NAMPT: variants seen among roughly 807,000 people sequenced by gnomAD.
The protein encoded by NAMPT is nicotinamide phosphoribosyltransferase, also known as NAmPRTase.
In NAMPT, 7 loss-of-function variants were observed where a neutral mutation model predicts 58.7. The ratio of observed to expected loss-of-function variants is 0.12; its 90% CI spans 0.07 to 0.22. The LOEUF (loss-of-function observed/expected upper bound fraction) is 0.22. NAMPT is among the 10% of genes least tolerant of loss of function. The pLI is 1.00. For synonymous variants in NAMPT, 145 were observed against 198.1 expected (o/e 0.73, Z 2.25); for missense variants, 271 against 567.9 (o/e 0.48, Z 5.31).
chr7:106,266,774 A>G (rs1792420742), intron 6 of NAMPT, among the ~76,000 whole-genome samples: 1 of 152,198 alleles, frequency 6.6e-6, no homozygotes, highest in South Asian at 2.1e-4. Flanking sequence ...ATCCTGCTAT[A>G]AAAATATAAA....
intron 4 of NAMPT, among the ~76,000 whole-genome samples, chr7:106,271,028 C>T (rs1349127763): frequency 2.6e-5 from 4 of 152,126 alleles, no homozygotes; most frequent in African/African-American, 9.7e-5. Context: ...ATTATCCTAC[C>T]TCTCTTCTTT....
intron 2 of NAMPT, chr7:106,275,385 T>A (rs1792614879): frequency 1.2e-5 from 2 of 161,068 alleles, no homozygotes; most frequent in South Asian, 1.7e-4. Context: ...GCTTCTTACA[T>A]CCAAATGAAA....
At chr7:106,264,505 CCCAGTTCTGAAATCTGAAAT>C (rs945944910) in intron 6 of NAMPT, among the ~76,000 whole-genome samples, 6 of 151,890 alleles carry the variant, frequency 4.0e-5, no homozygotes, top group Admixed American at 3.3e-4. Flanking sequence ...GTTAAGCATC[CCCAGTTCTGAAATCTGAAAT>C]CCAGTTCTGA....
chr7:106,264,903 A>G (rs985683776), intron 6 of NAMPT, among the ~76,000 whole-genome samples: 1 of 151,874 alleles, frequency 6.6e-6, no homozygotes, highest in Non-Finnish European at 1.5e-5. Context: ...TTAAAGGACT[A>G]GACTTAGAAC....
chr7:106,280,270 G>A (rs1194949257), intron 1 of NAMPT, among the ~76,000 whole-genome samples: 1 of 152,036 alleles, frequency 6.6e-6, no homozygotes, highest in Non-Finnish European at 1.5e-5. Context: ...TGATAATGAG[G>A]GAGAAGAATT....
intron 2 of NAMPT, 50 bp downstream of exon 2, chr7:106,276,973 G>C (rs772460393): frequency 7.2e-7 from 1 of 1,386,790 alleles, no homozygotes; most frequent in East Asian, 2.3e-5. Context: ...AACTCCTAAA[G>C]GAGTTAAGAG....
At chr7:106,270,226 C>A in intron 4 of NAMPT, 1 of 348,204 alleles carries the variant, frequency 2.9e-6, no homozygotes, top group South Asian at 2.1e-5. Flanking sequence ...TTCACTTCTT[C>A]ATTCTAAGAT....
At chr7:106,266,174 TAAA>T (rs1792404428) in intron 6 of NAMPT, among the ~76,000 whole-genome samples, 1 of 152,222 alleles carries the variant, frequency 6.6e-6, no homozygotes, top group South Asian at 2.1e-4. Flanking sequence ...CGCTGTTGTT[TAAA>T]AGACATTCTA....
chr7:106,284,551 C>G (rs1462936399), intron 1 of NAMPT: 2 of 170,382 alleles, frequency 1.2e-5, no homozygotes, highest in African/African-American at 4.8e-5. Flanking sequence ...CCGCTGGGGC[C>G]CGCCTCAGCC....
chr7:106,263,370 A>G (rs370212165), intron 7 of NAMPT, 22 bp downstream of exon 7: 4 of 1,523,918 alleles, frequency 2.6e-6, no homozygotes, highest in African/African-American at 2.7e-5. Flanking sequence ...TTCTAATAAT[A>G]AAGTTACATA....
In NAMPT at chr7:106,263,625, A is replaced by G. The variant is rs1387644127; in HGVS notation, c.744-8T>C. ...CCCCAAGCTGTTATGGTACTAGAAA[A>G]AAAAATGAAAACACAGATTTACTTA... is the stretch of plus-strand genomic sequence containing the variant. On this transcript the variant is annotated splice_region_variant and splice_polypyrimidine_tract_variant and intron_variant, in intron 6 of 10. Coordinates refer to ENST00000222553, the MANE Select transcript of NAMPT (RefSeq NM_005746.3). 1 of 1,600,730 alleles carries G rather than the reference A, an allele frequency of 6.2e-7. No homozygotes were observed. The highest frequency in any genetic ancestry group is 1.3e-5 in the African/African-American group (1 of 74,450).
chr7:106,261,724 A>G lies in NAMPT; in HGVS notation c.970-17T>C, dbSNP rs1792305813. The G allele has an allele frequency of 1.3e-6, 2 of 1,598,118 alleles. No homozygotes were observed. The highest frequency in any genetic ancestry group is 1.7e-6 in the Non-Finnish European group (2 of 1,166,100). On this transcript the variant is annotated splice_polypyrimidine_tract_variant and intron_variant, in intron 7 of 10. Coordinates refer to ENST00000222553, the MANE Select transcript of NAMPT (RefSeq NM_005746.3). ...CTCCAAAACCTATATGGAAAAATACACATGCAACACAAATAACTAAAGCTG... is the reference window on the plus strand; with the variant it reads ...CTCCAAAACCTATATGGAAAAATACGCATGCAACACAAATAACTAAAGCTG...
At chr7:106,257,002 C>A (rs113222854) in intron 8 of NAMPT, among the ~76,000 whole-genome samples, 3 of 151,866 alleles carry the variant, frequency 2.0e-5, no homozygotes, top group Admixed American at 1.3e-4. Flanking sequence ...ATGGTGAAAC[C>A]CTATTTCTAC....
intron 6 of NAMPT, among the ~76,000 whole-genome samples, chr7:106,265,414 CT>C (rs1238457028): frequency 2.6e-5 from 4 of 152,066 alleles, no homozygotes; most frequent in South Asian, 4.1e-4. Flanking sequence ...CATGTTTCAC[CT>C]TTTTTCCCCT....
At position 106,249,674 on chromosome 7, in the gene NAMPT, G is replaced by C. The variant is rs557191485; in HGVS notation, c.*1409C>G. 1.3e-5 allele frequency: 2 copies of C among 152,126 alleles called. No homozygotes were observed. The highest frequency in any genetic ancestry group is 4.1e-4 in the South Asian group (2 of 4,828). 9.4% of individuals were successfully genotyped at this position (152,126 alleles called of 1,614,324 possible). On this transcript the variant is annotated 3_prime_UTR_variant, in exon 11 of 11. Transcript: ENST00000222553. ...TTGCGATTCTCATTTGGCTTCTATT[G>C]CAGCTGTTTACCTTAGGCTGGAGTA...
upstream of NAMPT, chr7:106,285,317 CCTAAGT>C (rs1792857523): frequency 1.7e-5 from 9 of 535,292 alleles, no homozygotes; most frequent in Non-Finnish European, 2.2e-5. Context: ...CGGGCGCTTA[CCTAAGT>C]TCGAGTTCCC....
At chr7:106,273,633 T>A (rs527679379) in intron 3 of NAMPT, among the ~76,000 whole-genome samples, 18 of 152,278 alleles carry the variant, frequency 1.2e-4, no homozygotes, top group African/African-American at 4.3e-4. Context: ...GATTTTCTGA[T>A]CATATAATCA....
intron 1 of NAMPT, among the ~76,000 whole-genome samples, chr7:106,279,984 G>A (rs1002945348): frequency 6.6e-6 from 1 of 152,044 alleles, no homozygotes; most frequent in Non-Finnish European, 1.5e-5. Context: ...AACACGATAA[G>A]GTCAGAGGTA....
intron 1 of NAMPT, among the ~76,000 whole-genome samples, chr7:106,277,461 C>G (rs1792669030): frequency 6.6e-6 from 1 of 152,152 alleles, no homozygotes; most frequent in African/African-American, 2.4e-5. Flanking sequence ...TTTTGGGGAA[C>G]AGTCCTTCAT....
Sources: gnomAD v4.1 joint callset for allele counts (sites outside exome capture counted in the v4.1 genomes callset) on GRCh38, gnomAD v4.1.1 for gene constraint, MANE v1.5 for transcripts, NCBI Gene and HGNC (gene_info 2026-07-23, HGNC 2026-07-21) for gene names.